ERC2: variants seen among roughly 807,000 people sequenced by gnomAD.
The protein encoded by ERC2 is ERC protein 2.
In ERC2, 42 loss-of-function variants were observed where a neutral mutation model predicts 114.8. The ratio of observed to expected loss-of-function variants is 0.37; its 90% CI spans 0.29 to 0.47. The LOEUF (loss-of-function observed/expected upper bound fraction) is 0.47. Ranked by LOEUF, ERC2 falls within the 20% of genes least tolerant of loss-of-function variation. The probability of loss-of-function intolerance (pLI) is 0.99; values close to 1 mark genes in which losing one functional copy is unlikely to be tolerated. For missense variants in ERC2, 939 were observed against 1,150.7 expected (o/e 0.82, Z 2.66); for synonymous variants, 454 against 425.5 (o/e 1.07, Z -0.82).
chr3:55,551,815 C>T (rs1176123645), intron 17 of ERC2, among the ~76,000 whole-genome samples: 1 of 152,164 alleles, frequency 6.6e-6, no homozygotes, highest in Non-Finnish European at 1.5e-5. Flanking sequence ...TCCAGAATAA[C>T]GTTTGACCAA....
intron 7 of ERC2, among the ~76,000 whole-genome samples, chr3:56,044,263 C>G (rs1442866286): frequency 6.6e-6 from 1 of 152,110 alleles, no homozygotes; most frequent in Non-Finnish European, 1.5e-5. Context: ...CATTCTAAGA[C>G]AGCTATAAAA....
intron 4 of ERC2, among the ~76,000 whole-genome samples, chr3:56,155,419 C>CCTATCTGA (rs2081652747): frequency 6.7e-6 from 1 of 150,256 alleles, no homozygotes; most frequent in African/African-American, 2.4e-5. Flanking sequence ...TCTTTGATAT[C>CCTATCTGA]ATGTATTGAG....
chr3:56,425,007 A>G (rs1371729387), intron 2 of ERC2, among the ~76,000 whole-genome samples: 3 of 152,202 alleles, frequency 2.0e-5, no homozygotes, highest in Non-Finnish European at 4.4e-5. Flanking sequence ...TATGACTGAT[A>G]AGCCCTTAAA....
At chr3:56,182,484 T>C (rs1005766652) in intron 3 of ERC2, among the ~76,000 whole-genome samples, 9 of 152,248 alleles carry the variant, frequency 5.9e-5, no homozygotes, top group African/African-American at 2.2e-4. Flanking sequence ...AACAGTTACT[T>C]ACACATTGCT....
At chr3:55,916,545 C>T (rs922931232) in intron 13 of ERC2, among the ~76,000 whole-genome samples, 15 of 152,186 alleles carry the variant, frequency 9.9e-5, no homozygotes, top group Admixed American at 9.8e-4. Flanking sequence ...ACACCGACTA[C>T]ACCTCCCACT....
chr3:55,620,122 C>T (rs1202460705), intron 17 of ERC2, among the ~76,000 whole-genome samples: 1 of 152,188 alleles, frequency 6.6e-6, no homozygotes, highest in Non-Finnish European at 1.5e-5. Context: ...GATGACTCCA[C>T]TCCATTGACC....
intron 17 of ERC2, among the ~76,000 whole-genome samples, chr3:55,541,812 T>C (rs958396159): frequency 1.3e-5 from 2 of 152,248 alleles, no homozygotes; most frequent in Admixed American, 6.5e-5. Flanking sequence ...TTGCCCTGGT[T>C]AGTTTTACAA....
At chr3:56,324,675 T>C (rs1349264900) in intron 2 of ERC2, among the ~76,000 whole-genome samples, 2 of 152,088 alleles carry the variant, frequency 1.3e-5, no homozygotes, top group Non-Finnish European at 2.9e-5. Context: ...TGACAAACCA[T>C]GAGTTCATGC....
chr3:55,907,941 G>A (rs1185726136), intron 13 of ERC2, among the ~76,000 whole-genome samples: 2 of 152,180 alleles, frequency 1.3e-5, no homozygotes, highest in Non-Finnish European at 2.9e-5. Context: ...GGCAGACAGG[G>A]AGGAGCAGAG....
chr3:56,312,994 GTATATTCATATATATATA>G (rs2056666632), intron 2 of ERC2, among the ~76,000 whole-genome samples: 2 of 19,724 alleles, frequency 1.0e-4, no homozygotes, highest in African/African-American at 2.9e-4. Flanking sequence ...TAGTGAATAT[GTATATTCATATATATATA>G]TATATATATA....
intron 2 of ERC2, among the ~76,000 whole-genome samples, chr3:56,411,357 G>A (rs990424842): frequency 7.9e-5 from 12 of 151,692 alleles, no homozygotes; most frequent in South Asian, 4.2e-4. Flanking sequence ...CGTGAGCACA[G>A]CCCCACTCTG....
intron 15 of ERC2, among the ~76,000 whole-genome samples, chr3:55,719,710 C>G (rs1177211997): frequency 6.6e-6 from 1 of 152,058 alleles, no homozygotes; most frequent in African/African-American, 2.4e-5. Flanking sequence ...CTTCCCCCAC[C>G]AATATATCAA....
At position 56,010,531 on chromosome 3, in the gene ERC2, T is replaced by C. The variant is rs753565402; in HGVS notation, c.1838A>G (p.Glu613Gly). The C allele has an allele frequency of 1.2e-5, 19 of 1,613,594 alleles. No homozygotes were observed. The highest frequency in any genetic ancestry group is 3.3e-5 in the Admixed American group (2 of 59,988). The stretch of plus-strand genomic sequence containing the variant: ...CTCTTTTCGGAAGGATTCTATCTCT[T>C]CTAGTCTTTCCCGATCATCTCTTTC... ...QRERDDRERL[E>G]EIESFRKENK... The change falls in exon 9 of 18, where the codon GAA (glutamate) becomes GGA (glycine). Residue 613 changes from glutamate to glycine, a missense_variant. Transcript: ENST00000288221.
chr3:56,065,713 T>C (rs1293455188), intron 7 of ERC2, among the ~76,000 whole-genome samples: 2 of 151,938 alleles, frequency 1.3e-5, no homozygotes, highest in Non-Finnish European at 2.9e-5. Context: ...CTGCCCCTAC[T>C]GACTGGCCCT....
At chr3:55,547,522 T>A (rs780867375) in intron 17 of ERC2, among the ~76,000 whole-genome samples, 1 of 152,332 alleles carries the variant, frequency 6.6e-6, no homozygotes, top group East Asian at 1.9e-4. Context: ...TTCTTTCTCA[T>A]AAAATGTCTC....
intron 17 of ERC2, among the ~76,000 whole-genome samples, chr3:55,560,635 G>A (rs775384065): frequency 3.3e-5 from 5 of 152,188 alleles, no homozygotes; most frequent in Non-Finnish European, 5.9e-5. Flanking sequence ...ACCACACTCC[G>A]TGTCCACATG....
intron 2 of ERC2, among the ~76,000 whole-genome samples, chr3:56,423,537 G>T (rs555044072): frequency 1.3e-5 from 2 of 152,336 alleles, no homozygotes; most frequent in African/African-American, 4.8e-5. Context: ...CTTTATCAAC[G>T]TATGGAGACA....
chr3:56,007,566 T>C lies in ERC2; in HGVS notation c.1921-245A>G, dbSNP rs181141779. Among the ~76,000 whole-genome samples the C allele has an allele frequency of 7.2e-5, 11 of 152,248 alleles. No individual in the cohort carries two copies. The East Asian group carries it at 1.9e-3, about 27-fold the overall frequency. On this transcript the variant is annotated intron_variant, in intron 9 of 17. Coordinates refer to ENST00000288221, the MANE Select transcript of ERC2 (RefSeq NM_015576.3). ...CCAAATGGTGTGGTCAGTAAATGCA[T>C]GTTTCACGTCTCAAAGTCATGCTAA... is the stretch of plus-strand genomic sequence containing the variant.
rs576219462 is a variant in ERC2 at position 55,961,202 on chromosome 3, C to T, written c.2268-10642G>A. Reference sequence around the variant, plus strand: ...ACTGTGCAAGTCTTATCTCACCCTACTCCCCCAAGCTACACTGGCCTTCCA... The same window carrying T: ...ACTGTGCAAGTCTTATCTCACCCTATTCCCCCAAGCTACACTGGCCTTCCA... On this transcript the variant is annotated intron_variant, in intron 12 of 17. Coordinates refer to ENST00000288221, the MANE Select transcript of ERC2 (RefSeq NM_015576.3). 1.1e-4 allele frequency among the ~76,000 whole-genome samples: 16 copies of T among 152,342 alleles called. No homozygotes were observed. In the South Asian group the frequency reaches 3.3e-3, roughly 32 times the overall value.
Sources: gnomAD v4.1 joint callset for allele counts (sites outside exome capture counted in the v4.1 genomes callset) on GRCh38, gnomAD v4.1.1 for gene constraint, MANE v1.5 for transcripts, NCBI Gene and HGNC (gene_info 2026-07-23, HGNC 2026-07-21) for gene names.